Variants in FXR2 observed in about 807,000 individuals in gnomAD.
The protein encoded by FXR2 is FMR1 autosomal homolog 2.
A neutral mutation model predicts 87.3 loss-of-function variants in FXR2; 9 were observed. The observed-to-expected ratio is 0.10, with a 90% CI of 0.06 to 0.18. FXR2 has a LOEUF of 0.18. FXR2 is among the 10% of genes least tolerant of loss of function. The probability of loss-of-function intolerance (pLI) is 1.00; values close to 1 mark genes in which losing one functional copy is unlikely to be tolerated. For synonymous variants in FXR2, 331 were observed against 328.3 expected (o/e 1.01, Z -0.09); for missense variants, 661 against 893.6 (o/e 0.74, Z 3.32).
intron 7 of FXR2, among the ~76,000 whole-genome samples, chr17:7,598,173 G>A (rs906998509): frequency 3.9e-5 from 6 of 152,098 alleles, no homozygotes; most frequent in South Asian, 2.1e-4. Context: ...ACTTTCGGCC[G>A]GGCACAGTGG....
At position 7,592,777 on chromosome 17, in the gene FXR2, C is replaced by T. The variant is rs756379874; in HGVS notation, c.1646G>A (p.Arg549His). ...PPASARRRRS[R>H]RRRTDEDRTV... ...CCTGTCTTCATCAGTGCGGCGGCGG[C>T]GGGAGCGGCGGCGCCTGGCACTTGC... Residue 549 changes from arginine (R) to histidine (H), a missense_variant, in exon 14 of 17, where the codon CGC (arginine) becomes CAC (histidine). By Grantham distance (29) the Arg-to-His change is conservative. Transcript: ENST00000250113. The surrounding 1 kb of genome is among the most constrained non-coding windows in gnomAD (Gnocchi z 4.8). The T allele has an allele frequency of 1.9e-5, 31 of 1,613,312 alleles. No homozygotes were observed. In the East Asian group the frequency reaches 4.7e-4, roughly 24 times the overall value.
chr17:7,592,360 GA>G lies in FXR2; in HGVS notation c.1826-7del. 1 of 1,604,222 alleles carries G rather than the reference GA, an allele frequency of 6.2e-7. No individual in the cohort carries two copies. The highest frequency in any genetic ancestry group is 8.5e-7 in the Non-Finnish European group (1 of 1,170,902). On this transcript the variant is annotated splice_polypyrimidine_tract_variant and splice_region_variant and intron_variant, in intron 15 of 16. Transcript: ENST00000250113. The surrounding 1 kb of genome is among the most constrained non-coding windows in gnomAD (Gnocchi z 4.8). The stretch of plus-strand genomic sequence containing the variant: ...GATATAGTCAGCCACAGTCACTGGG[GA>G]AGGCAGGAGATTAAGACTTTCAGAT...
At position 7,593,685 on chromosome 17, in the gene FXR2, G is replaced by A. The variant is rs908192785; in HGVS notation, c.1108-60C>T. On this transcript the variant is annotated intron_variant, in intron 11 of 16. Coordinates refer to ENST00000250113, the MANE Select transcript of FXR2 (RefSeq NM_004860.4). The surrounding 1 kb of genome is among the most constrained non-coding windows in gnomAD (Gnocchi z 6.1). ...AAATAAGATCAGTGCCTTGCTTCAT[G>A]CTTCTGCACCCTGACTGTCCCTCTA... 2.2e-5 allele frequency: 25 copies of A among 1,160,700 alleles called. No individual in the cohort carries two copies. In the African/African-American group the frequency reaches 3.3e-4, roughly 16 times the overall value. 71.9% of individuals were successfully genotyped at this position (1,160,700 alleles called of 1,614,324 possible).
intron 7 of FXR2, among the ~76,000 whole-genome samples, chr17:7,600,878 C>T (rs1028033911): frequency 1.3e-5 from 2 of 149,842 alleles, no homozygotes; most frequent in Non-Finnish European, 3.0e-5. Flanking sequence ...AGTGAGACTC[C>T]GTCTCAAAAA....
At chr17:7,596,184 G>A (rs3933469) in intron 7 of FXR2, 190 bp from the exon 8 acceptor site, 144,731 of 522,446 alleles carry the variant, frequency 0.28, 21,243 homozygotes, top group African/African-American at 0.4. Flanking sequence ...TTGAGATGGC[G>A]TCTCGCTCTG....
At position 7,592,792 on chromosome 17, in the gene FXR2, C is replaced by G; in HGVS notation, c.1631G>C (p.Arg544Thr). ...GCGGCGGCGGCGGGAGCGGCGGCGC[C>G]TGGCACTTGCTGGGGGGGGTTCCCC... is the stretch of plus-strand genomic sequence containing the variant. Reference protein sequence around the residue: ...EPGEPPPASARRRRSRRRRTD... With the variant: ...EPGEPPPASATRRRSRRRRTD... Residue 544 changes from arginine (R) to threonine (T), a missense_variant, in exon 14 of 17, where the codon AGG becomes ACG. Around this residue, in one of 3 missense-constraint regions of FXR2, gnomAD observed 409 missense variants for 432.0 expected, o/e 0.95. Coordinates refer to ENST00000250113, the MANE Select transcript of FXR2 (RefSeq NM_004860.4). This position sits in a 1 kb window ranked among gnomAD's most constrained non-coding sequence, Gnocchi z 4.8. 1.2e-6 allele frequency: 2 copies of G among 1,613,726 alleles called. No individual in the cohort carries two copies. The highest frequency in any genetic ancestry group is 8.5e-7 in the Non-Finnish European group (1 of 1,179,808).
rs1408332575 is a variant in FXR2 at position 7,591,589 on chromosome 17, GT to G, written c.*240del. On this transcript the variant is annotated 3_prime_UTR_variant, in exon 17 of 17. Coordinates refer to ENST00000250113, the MANE Select transcript of FXR2 (RefSeq NM_004860.4). This position sits in a 1 kb window ranked among gnomAD's most constrained non-coding sequence, Gnocchi z 4.0. ...GCATTAGAGGATAAAGGCACATCCA[GT>G]CTGATGGGGAAGGAGAGAGGCTCCC... The G allele has an allele frequency of 7.5e-6, 4 of 530,352 alleles. No homozygotes were observed. The highest frequency in any genetic ancestry group is 3.2e-5 in the Admixed American group (1 of 31,432). The allele number at this position is 530,352 out of a possible 1,614,324, so 32.9% of individuals were successfully genotyped here.
Position 7,593,439 on chromosome 17 carries a change from G to A in FXR2, c.1294C>T (p.Arg432Cys), listed in dbSNP as rs868253602. 6.3e-7 allele frequency: 1 copy of A among 1,585,512 alleles called. No individual in the cohort carries two copies. Among genetic ancestry groups the A allele is most frequent in the Non-Finnish European group, 8.6e-7 (1 of 1,166,656 alleles). ...TRTYGGSYGGRGRGRRTGGPA... is the reference protein window; with the variant it reads ...TRTYGGSYGGCGRGRRTGGPA... ...CCGCCTGTCCTCCGGCCACGGCCAC[G>A]GCCCCCATAGCTGCCCCCATAGGTT... Residue 432 changes from arginine to cysteine, a missense_variant, in exon 12 of 17, where the codon CGT (arginine) becomes TGT (cysteine). Physicochemically the swap from Arg to Cys is radical, Grantham distance 180. Transcript: ENST00000250113. The surrounding 1 kb of genome is among the most constrained non-coding windows in gnomAD (Gnocchi z 6.1).
rs764148770 is a variant in FXR2 at position 7,592,969 on chromosome 17, C to G, written c.1528+15G>C. The G allele has an allele frequency of 6.4e-7, 1 of 1,555,098 alleles. No homozygotes were observed. The highest frequency in any genetic ancestry group is 8.7e-7 in the Non-Finnish European group (1 of 1,152,578). On this transcript the variant is annotated intron_variant, in intron 13 of 16. Coordinates refer to ENST00000250113, the MANE Select transcript of FXR2 (RefSeq NM_004860.4). This position sits in a 1 kb window ranked among gnomAD's most constrained non-coding sequence, Gnocchi z 4.8. ...TTCCTTTTGGCCCATATTCATGAAC[C>G]CAGCTGTCTGGTACCTGAGCTAATA...
At chr17:7,609,974 G>A (rs1169571552) in intron 1 of FXR2, among the ~76,000 whole-genome samples, 42 of 94,754 alleles carry the variant, frequency 4.4e-4, no homozygotes, top group Non-Finnish European at 8.1e-4. Context: ...ACATGTATAT[G>A]TATACATATA....
chr17:7,609,906 A>ATATATGTATATATACATG (rs1486570224), intron 1 of FXR2, among the ~76,000 whole-genome samples: 2 of 136,008 alleles, frequency 1.5e-5, no homozygotes, highest in African/African-American at 2.8e-5. Context: ...ACACATACAT[A>ATATATGTATATATACATG]TATATGTATA....
chr17:7,591,516 A>G lies in FXR2; in HGVS notation c.*314T>C. ...GTCAAATCTGGGTGGGTCGAGGAGC[A>G]CCCCCCACCAACAGGTGGAGAATGG... On this transcript the variant is annotated 3_prime_UTR_variant, in exon 17 of 17. Coordinates refer to ENST00000250113, the MANE Select transcript of FXR2 (RefSeq NM_004860.4). The surrounding 1 kb of genome is among the most constrained non-coding windows in gnomAD (Gnocchi z 4.0). 2.9e-6 allele frequency: 1 copy of G among 344,542 alleles called. No individual in the cohort carries two copies. The highest frequency in any genetic ancestry group is 5.5e-6 in the Non-Finnish European group (1 of 180,722). 21.3% of individuals were successfully genotyped at this position (344,542 alleles called of 1,614,324 possible).
chr17:7,608,584 C>A (rs2071823692), intron 1 of FXR2, among the ~76,000 whole-genome samples: 1 of 149,600 alleles, frequency 6.7e-6, no homozygotes. Flanking sequence ...TGCCATCGCA[C>A]TGCAGCCTGG....
chr17:7,609,979 CATATATATATACAT>C (rs2071843053), intron 1 of FXR2, among the ~76,000 whole-genome samples: 1 of 47,816 alleles, frequency 2.1e-5, no homozygotes, highest in Non-Finnish European at 6.5e-5. Flanking sequence ...TATATGTATA[CATATATATATACAT>C]GTATATGTAT....
At position 7,614,644 on chromosome 17, in the gene FXR2, G is replaced by T; in HGVS notation, c.-112C>A. 3 of 542,804 alleles carry T rather than the reference G, an allele frequency of 5.5e-6. No homozygotes were observed. Among genetic ancestry groups the T allele is most frequent in the South Asian group, 8.7e-5 (1 of 11,510 alleles). The allele number at this position is 542,804 out of a possible 1,614,324, so 33.6% of individuals were successfully genotyped here. A position where few individuals can be genotyped will look rare whatever the true frequency, so the allele number is the denominator to read the frequency against. On this transcript the variant is annotated 5_prime_UTR_variant, in exon 1 of 17. Coordinates refer to ENST00000250113, the MANE Select transcript of FXR2 (RefSeq NM_004860.4). The stretch of plus-strand genomic sequence containing the variant: ...GAGGAGGAGCCGGAGGGGGAGCCGC[G>T]GGGGGCGGGAGCCGGGCCGGCCCCA...
chr17:7,610,994 G>T (rs1370095103), intron 1 of FXR2, among the ~76,000 whole-genome samples: 1 of 152,216 alleles, frequency 6.6e-6, no homozygotes, highest in African/African-American at 2.4e-5. Flanking sequence ...TAGGAGAAGA[G>T]CAGGAACAGT....
intron 1 of FXR2, among the ~76,000 whole-genome samples, chr17:7,608,126 AT>A (rs202107277): frequency 6.6e-5 from 10 of 151,116 alleles, no homozygotes; most frequent in Admixed American, 4.0e-4. Flanking sequence ...TTAAATTAAA[AT>A]TTTTTTTTAA....
At chr17:7,606,208 G>T in intron 1 of FXR2, 59 bp from the exon 2 acceptor site, 1 of 1,091,592 alleles carries the variant, frequency 9.2e-7, no homozygotes, top group Non-Finnish European at 1.4e-6. Flanking sequence ...TTCCACCTTA[G>T]CCATCAAGGG....
At position 7,592,529 on chromosome 17, in the gene FXR2, G is replaced by A; in HGVS notation, c.1800C>T (p.Gly600=). 2 of 1,613,780 alleles carry A rather than the reference G, an allele frequency of 1.2e-6. No individual in the cohort carries two copies. Among genetic ancestry groups the A allele is most frequent in the South Asian group, 1.1e-5 (1 of 91,078 alleles). Residue 600 remains glycine (G), a synonymous_variant, in exon 15 of 17, where the codon GGC becomes GGT. Coordinates refer to ENST00000250113, the MANE Select transcript of FXR2 (RefSeq NM_004860.4). This position sits in a 1 kb window ranked among gnomAD's most constrained non-coding sequence, Gnocchi z 4.8. ...CTGGCTGGCGGTCTCCACTGATAGA[G>A]CCATCAGTCCGATTACCACGGTTAC... is the stretch of plus-strand genomic sequence containing the variant. ...RRRNRGNRTD[G]SISGDRQPVT...
Sources: gnomAD v4.1 joint callset for allele counts (sites outside exome capture counted in the v4.1 genomes callset) on GRCh38, gnomAD v4.1.1 for gene constraint, gnomAD v4.1.1 regional missense constraint, Gnocchi (gnomAD v3.1) non-coding constraint, MANE v1.5 for transcripts, NCBI Gene and HGNC (gene_info 2026-07-23, HGNC 2026-07-21) for gene names.